Variants in KYAT1 observed in about 807,000 individuals in gnomAD.
The protein encoded by KYAT1 is kynurenine aminotransferase 1, also known as kynurenine--oxoglutarate transaminase 1.
A neutral mutation model predicts 52.4 loss-of-function variants in KYAT1; 47 were observed. The observed-to-expected ratio is 0.90, with a 90% CI of 0.71 to 1.14. The LOEUF (loss-of-function observed/expected upper bound fraction) is 1.14. Among genes scored for constraint, KYAT1 ranks in the 50% most tolerant of loss-of-function variants. KYAT1 has a pLI of 0.00. For missense variants in KYAT1, 480 were observed against 557.9 expected, an observed-to-expected ratio of 0.86 and a Z score of 1.41; for synonymous variants, 212 against 209.6, an observed-to-expected ratio of 1.01 and a Z score of -0.10.
rs190744632 is a variant in KYAT1, at chr9:128,838,229, C to T, written c.340G>A (p.Glu114Lys). Residue 114 changes from glutamate to lysine, a missense_variant, in exon 4 of 13, where the codon GAA (glutamate) becomes AAA (lysine). Coordinates refer to ENST00000302586, the MANE Select transcript of KYAT1 (RefSeq NM_004059.5). ...LFTAFQALVD[E>K]GDEVIIIEPF... ...TCTTGCCCACTCACCTCGTCTCCTT[C>T]GTCCACCAGGGCCTGGAAGGCTGTG... is the stretch of plus-strand genomic sequence containing the variant. 2.0e-5 allele frequency: 33 copies of T among 1,614,242 alleles called. 1 individual carries two copies. Among genetic ancestry groups the T allele is most frequent in the Middle Eastern group, 1.6e-4 (1 of 6,062 alleles).
intron 1 of KYAT1, among the ~76,000 whole-genome samples, chr9:128,861,343 T>C (rs1393981300): frequency 6.6e-6 from 1 of 152,194 alleles, no homozygotes; most frequent in Non-Finnish European, 1.5e-5. Flanking sequence ...TGAGAGCTGA[T>C]GGTTTTATAA....
rs1171896250 is a variant in KYAT1, at chr9:128,833,404, C to T, written c.*180G>A. The T allele has an allele frequency of 7.4e-6, 5 of 672,700 alleles. No individual in the cohort carries two copies. The highest frequency in any genetic ancestry group is 5.4e-5 in the East Asian group (2 of 36,872). The allele number at this position is 672,700 out of a possible 1,614,324, so 41.7% of individuals were successfully genotyped here. A position where few individuals can be genotyped will look rare whatever the true frequency, so the allele number is the denominator to read the frequency against. On this transcript the variant is annotated 3_prime_UTR_variant, in exon 13 of 13. Coordinates refer to ENST00000302586, the MANE Select transcript of KYAT1 (RefSeq NM_004059.5). ...ACCCTCACCTTTCAGACAGGAGGCA[C>T]TTGGTTCTCTAAGATGAAGAAGGGC... is the stretch of plus-strand genomic sequence containing the variant.
intron 1 of KYAT1, among the ~76,000 whole-genome samples, chr9:128,854,957 C>T (rs199825410): frequency 1.3e-5 from 2 of 152,066 alleles, no homozygotes; most frequent in Non-Finnish European, 2.9e-5. Context: ...GTCAGTGCCA[C>T]CAATAAATTT....
intron 3 of KYAT1, 67 bp downstream of exon 3, chr9:128,842,587 G>C: frequency 6.6e-7 from 1 of 1,514,490 alleles, no homozygotes; most frequent in Non-Finnish European, 9.1e-7. Context: ...AGCTGTGTGG[G>C]CTTGAAGTCC....
chr9:128,850,272 G>A (rs917258965), intron 1 of KYAT1, among the ~76,000 whole-genome samples: 2 of 152,120 alleles, frequency 1.3e-5, no homozygotes, highest in Non-Finnish European at 2.9e-5. Context: ...CTGTTACTGT[G>A]TCTATGTAGA....
intron 11 of KYAT1, among the ~76,000 whole-genome samples, chr9:128,834,471 GA>G (rs1375456275): frequency 6.6e-6 from 1 of 152,022 alleles, no homozygotes; most frequent in Non-Finnish European, 1.5e-5. Context: ...TGGGAAGATG[GA>G]GATCCAAAGA....
chr9:128,845,226 T>G, intron 2 of KYAT1, 127 bp downstream of exon 2: 1 of 708,956 alleles, frequency 1.4e-6, no homozygotes, highest in Non-Finnish European at 2.4e-6. Flanking sequence ...TCTCCTGAGC[T>G]ATGGCTGGAA....
chr9:128,856,876 A>T (rs1372525843), intron 1 of KYAT1, among the ~76,000 whole-genome samples: 3 of 152,224 alleles, frequency 2.0e-5, no homozygotes, highest in Admixed American at 6.5e-5. Context: ...CCAGCCCAAC[A>T]CCCGTAAAGG....
At chr9:128,836,999 A>G (rs1468199578) in intron 6 of KYAT1, 77 bp from the exon 7 acceptor site, 1 of 1,549,924 alleles carries the variant, frequency 6.5e-7, no homozygotes, top group Non-Finnish European at 8.7e-7. Flanking sequence ...GAGAGGTTAA[A>G]GAACACAGCT....
At chr9:128,852,679 G>T (rs928859187) in intron 1 of KYAT1, among the ~76,000 whole-genome samples, 1 of 152,020 alleles carries the variant, frequency 6.6e-6, no homozygotes, top group Non-Finnish European at 1.5e-5. Flanking sequence ...TAGAGGAAAG[G>T]AAAATTAAAC....
chr9:128,835,549 TG>T lies in KYAT1; in HGVS notation c.973del (p.Gln325SerfsTer5), dbSNP rs1830903902. 6.2e-7 allele frequency: 1 copy of T among 1,613,576 alleles called. No homozygotes were observed. Among genetic ancestry groups the T allele is most frequent in the Non-Finnish European group, 8.5e-7 (1 of 1,180,034 alleles). ...GATGATGGGCTTCAGGCCCACTGAC[TG>T]TAGGCTACGTATCATGTGGTCACGG... ...RCRDHMIRSLQSVGLKPIIPQ... is the reference protein window; with the variant it reads ...RCRDHMIRSLXSVGLKPIIPQ... On this transcript the variant is annotated frameshift_variant, in exon 10 of 13. Transcript: ENST00000302586. LOFTEE classifies it high-confidence loss of function.
At chr9:128,837,934 C>A (rs1831421812) in intron 5 of KYAT1, 117 bp downstream of exon 5, 7 of 1,487,036 alleles carry the variant, frequency 4.7e-6, no homozygotes, top group Non-Finnish European at 6.6e-6. Flanking sequence ...CCTCTGCCCT[C>A]CCAGCTTAGA....
At chr9:128,850,864 C>T (rs1487819485) in intron 1 of KYAT1, among the ~76,000 whole-genome samples, 6 of 152,204 alleles carry the variant, frequency 3.9e-5, no homozygotes. Context: ...ATGCTGCCTG[C>T]TATTCTTTAC....
At chr9:128,856,792 G>A (rs901793956) in intron 1 of KYAT1, among the ~76,000 whole-genome samples, 19 of 152,242 alleles carry the variant, frequency 1.2e-4, no homozygotes, top group Admixed American at 1.0e-3. Context: ...GGAAAGCCAC[G>A]TATTGTCCAA....
At chr9:128,849,806 A>AAAAAG (rs199627869) in intron 1 of KYAT1, among the ~76,000 whole-genome samples, 1 of 122,092 alleles carries the variant, frequency 8.2e-6, no homozygotes, top group East Asian at 2.5e-4. Context: ...AAAAAAAAAA[A>AAAAAG]AAAAGAAAAG....
At chr9:128,862,061 T>G (rs546872701) in intron 1 of KYAT1, among the ~76,000 whole-genome samples, 170 of 152,364 alleles carry the variant, frequency 1.1e-3, no homozygotes, top group African/African-American at 4.1e-3. Context: ...CAATTCTCTC[T>G]CTGACACTCT....
intron 3 of KYAT1, among the ~76,000 whole-genome samples, chr9:128,841,435 G>A (rs1056217498): frequency 5.3e-5 from 8 of 151,698 alleles, no homozygotes; most frequent in South Asian, 2.2e-4. Context: ...CCCAGGAGGC[G>A]GAGGCGGAGG....
At chr9:128,866,516 T>G (rs1428560660) in intron 1 of KYAT1, among the ~76,000 whole-genome samples, 1 of 152,096 alleles carries the variant, frequency 6.6e-6, no homozygotes, top group Non-Finnish European at 1.5e-5. Flanking sequence ...AGATAATCAC[T>G]TGAACCTGGG....
At chr9:128,843,135 G>A (rs1162003145) in intron 2 of KYAT1, among the ~76,000 whole-genome samples, 1 of 152,156 alleles carries the variant, frequency 6.6e-6, no homozygotes, top group Non-Finnish European at 1.5e-5. Flanking sequence ...CCATTGCACT[G>A]CAGCCTGGAT....
Sources: gnomAD v4.1 joint callset for allele counts (sites outside exome capture counted in the v4.1 genomes callset) on GRCh38, gnomAD v4.1.1 for gene constraint, MANE v1.5 for transcripts, NCBI Gene and HGNC (gene_info 2026-07-23, HGNC 2026-07-21) for gene names.